MBTPS1: variants seen among roughly 807,000 people sequenced by gnomAD.
MBTPS1 encodes the protein membrane-bound transcription factor site-1 protease.
A neutral mutation model predicts 127.8 loss-of-function variants in MBTPS1; 94 were observed. The ratio of observed to expected loss-of-function variants is 0.74; its 90% CI spans 0.62 to 0.87. The LOEUF is 0.87. Among genes scored for constraint, MBTPS1 ranks in the 40% least tolerant of loss-of-function variants. The pLI is 0.00. For synonymous variants in MBTPS1, 632 were observed against 509.4 expected, an observed-to-expected ratio of 1.24 and a Z score of -3.24; for missense variants, 1,636 against 1,353.2, an observed-to-expected ratio of 1.21 and a Z score of -3.28.
chr16:84,067,909 G>C lies in MBTPS1; in HGVS notation c.2072-86C>G. On this transcript the variant is annotated intron_variant, in intron 15 of 22. Transcript: ENST00000343411. ...GCAGAAACAGTGTCACCAGGTACAT[G>C]TCTCAGGTTACTGACACCTAACAGT... 2.2e-6 allele frequency: 3 copies of C among 1,335,894 alleles called. No homozygotes were observed. The South Asian group carries it at 4.0e-5, about 18-fold the overall frequency. 82.8% of individuals were successfully genotyped at this position (1,335,894 alleles called of 1,614,324 possible).
intron 18 of MBTPS1, among the ~76,000 whole-genome samples, chr16:84,064,678 T>C (rs1352941566): frequency 6.6e-6 from 1 of 152,222 alleles, no homozygotes; most frequent in African/African-American, 2.4e-5. Flanking sequence ...GAAGTGATAC[T>C]GTCTATGAGA....
At chr16:84,065,854 C>A (rs2085675483) in intron 17 of MBTPS1, 87 bp from the exon 18 acceptor site, 4 of 701,076 alleles carry the variant, frequency 5.7e-6, no homozygotes, top group Non-Finnish European at 9.4e-6. Flanking sequence ...AAAATACATT[C>A]TTCAGATGCT....
intron 1 of MBTPS1, 85 bp downstream of exon 1, chr16:84,116,650 G>C (rs1288922066): frequency 6.6e-6 from 1 of 152,060 alleles, no homozygotes; most frequent in East Asian, 1.9e-4. Context: ...TCGGGGCCTC[G>C]GACGCAACCG....
chr16:84,097,994 C>A (rs1045560303), intron 3 of MBTPS1, among the ~76,000 whole-genome samples: 3 of 151,834 alleles, frequency 2.0e-5, no homozygotes, highest in Non-Finnish European at 2.9e-5. Context: ...TAAATAATAA[C>A]AGAACTAGAA....
intron 8 of MBTPS1, among the ~76,000 whole-genome samples, chr16:84,089,217 G>A (rs1183014527): frequency 6.6e-6 from 1 of 152,276 alleles, no homozygotes; most frequent in Non-Finnish European, 1.5e-5. Flanking sequence ...AAGGTGAACT[G>A]AGATTGTGGC....
rs116675272 is a variant in MBTPS1, at chr16:84,113,367, G to T, written c.-325+3368C>A. Among the ~76,000 whole-genome samples, 958 of 152,244 alleles carry T rather than the reference G, an allele frequency of 6.3e-3. 13 individuals are homozygous for T. Among genetic ancestry groups the T allele is most frequent in the African/African-American group, 0.022 (923 of 41,524 alleles). The stretch of plus-strand genomic sequence containing the variant: ...CAAAGATGGTATTCCCGTACCTATG[G>T]GTTTTTCATGAGAATGATTACACCT... On this transcript the variant is annotated intron_variant, in intron 1 of 22. Coordinates refer to ENST00000343411, the MANE Select transcript of MBTPS1 (RefSeq NM_003791.4).
Position 84,067,659 on chromosome 16 carries a change from A to G in MBTPS1, c.2228+8T>C, listed in dbSNP as rs1330821786. ...TCTTATCCAAATACCAATGCGTATCAACAGTACCTTGTGTTTTCATCATAA... is the reference window on the plus strand; with the variant it reads ...TCTTATCCAAATACCAATGCGTATCGACAGTACCTTGTGTTTTCATCATAA... On this transcript the variant is annotated splice_region_variant and intron_variant, in intron 16 of 22. Transcript: ENST00000343411. 6.2e-7 allele frequency: 1 copy of G among 1,606,658 alleles called. No individual in the cohort carries two copies. The highest frequency in any genetic ancestry group is 1.7e-5 in the Admixed American group (1 of 59,826).
intron 9 of MBTPS1, 61 bp from the exon 10 acceptor site, chr16:84,085,195 C>A: frequency 6.6e-7 from 1 of 1,516,596 alleles, no homozygotes. Context: ...CGCATGCAAT[C>A]ATGAGTGAAT....
At chr16:84,083,464 T>A (rs998157718) in intron 10 of MBTPS1, among the ~76,000 whole-genome samples, 1 of 152,118 alleles carries the variant, frequency 6.6e-6, no homozygotes, top group African/African-American at 2.4e-5. Flanking sequence ...ACCCCTTTTT[T>A]TTTTTTGGTA....
chr16:84,105,563 C>G (rs1257241615), intron 1 of MBTPS1, among the ~76,000 whole-genome samples: 6 of 151,992 alleles, frequency 3.9e-5, no homozygotes, highest in Non-Finnish European at 7.4e-5. Flanking sequence ...GCAGAGCATC[C>G]CAAGCGTGGC....
intron 21 of MBTPS1, 40 bp downstream of exon 21, chr16:84,059,261 AG>A: frequency 6.3e-7 from 1 of 1,583,372 alleles, no homozygotes; most frequent in Non-Finnish European, 8.6e-7. Flanking sequence ...ATGACTCACA[AG>A]CCCCGTGGAA....
chr16:84,083,219 C>T (rs559690100), intron 10 of MBTPS1, among the ~76,000 whole-genome samples: 59 of 152,326 alleles, frequency 3.9e-4, no homozygotes, highest in Non-Finnish European at 7.5e-4. Flanking sequence ...ATTCTCTCCA[C>T]CTGGCAAATA....
intron 11 of MBTPS1, among the ~76,000 whole-genome samples, chr16:84,081,062 A>G (rs2085933194): frequency 1.3e-5 from 2 of 152,226 alleles, no homozygotes. Context: ...CTGTGGGACA[A>G]TGGGCGGAAT....
chr16:84,101,599 A>G (rs2086256501), intron 2 of MBTPS1, 22 bp downstream of exon 2: 2 of 1,584,102 alleles, frequency 1.3e-6, no homozygotes, highest in Non-Finnish European at 1.7e-6. Context: ...GGAGTTCCTA[A>G]TACTTAAGAC....
intron 8 of MBTPS1, among the ~76,000 whole-genome samples, chr16:84,087,755 T>C (rs1261788143): frequency 6.6e-6 from 1 of 152,178 alleles, no homozygotes; most frequent in Non-Finnish European, 1.5e-5. Context: ...CCTCCAGCAA[T>C]CCAAGCCTTA....
intron 1 of MBTPS1, among the ~76,000 whole-genome samples, chr16:84,111,303 G>A (rs2086393348): frequency 6.6e-6 from 1 of 152,236 alleles, no homozygotes; most frequent in Non-Finnish European, 1.5e-5. Context: ...ACTGTGGGAG[G>A]CCAAGTCGGG....
At chr16:84,065,089 AC>A (rs2085661889) in intron 18 of MBTPS1, among the ~76,000 whole-genome samples, 1 of 152,162 alleles carries the variant, frequency 6.6e-6, no homozygotes, top group Non-Finnish European at 1.5e-5. Flanking sequence ...ATAAAGGGTA[AC>A]AAAAAAATTC....
chr16:84,109,058 A>G (rs2086364223), intron 1 of MBTPS1, among the ~76,000 whole-genome samples: 1 of 152,240 alleles, frequency 6.6e-6, no homozygotes, highest in Admixed American at 6.5e-5. Flanking sequence ...CAGCAGTGAA[A>G]TCCCAACAGC....
At chr16:84,082,150 A>C (rs2085951347) in intron 10 of MBTPS1, 1 of 320,188 alleles carries the variant, frequency 3.1e-6, no homozygotes, top group African/African-American at 2.1e-5. Flanking sequence ...TCAGTAACAC[A>C]TATTTTTGTG....
Sources: allele counts gnomAD v4.1 joint callset (sites outside exome capture counted in the v4.1 genomes callset), GRCh38; gene constraint gnomAD v4.1.1; transcripts MANE v1.5; gene names NCBI Gene and HGNC (gene_info 2026-07-23, HGNC 2026-07-21).